The following SAMMSON variants were observed in gnomAD, a reference collection of about 807,000 sequenced individuals.
SAMMSON encodes long intergenic non-protein coding RNA 1212.
intron 4 of SAMMSON, among the ~76,000 whole-genome samples, chr3:70,165,129 A>C (rs1487897996): frequency 6.6e-6 from 1 of 152,040 alleles, no homozygotes; most frequent in African/African-American, 2.4e-5. Flanking sequence ...TTGAGAATTT[A>C]CTATGAACAA....
At chr3:70,021,006 C>G (rs1203676905) in intron 3 of SAMMSON, among the ~76,000 whole-genome samples, 1 of 152,064 alleles carries the variant, frequency 6.6e-6, no homozygotes, top group East Asian at 1.9e-4. Context: ...TAGCAGAGGC[C>G]CTCTGGAGAT....
At chr3:70,263,009 A>AT (rs1701881557) in intron 6 of SAMMSON, among the ~76,000 whole-genome samples, 1 of 152,138 alleles carries the variant, frequency 6.6e-6, no homozygotes, top group South Asian at 2.1e-4. Flanking sequence ...AATTTTAGGT[A>AT]TTGCATTTCT....
chr3:70,121,438 T>C (rs1336518348), intron 4 of SAMMSON, among the ~76,000 whole-genome samples: 1 of 151,992 alleles, frequency 6.6e-6, no homozygotes, highest in Non-Finnish European at 1.5e-5. Context: ...TACTGTATCG[T>C]GTGTATGTTT....
chr3:70,264,573 A>G (rs1176683282), intron 6 of SAMMSON, among the ~76,000 whole-genome samples: 3 of 152,232 alleles, frequency 2.0e-5, no homozygotes, highest in African/African-American at 7.2e-5. Context: ...GGTGAGTCAA[A>G]CAGTTGCTGG....
chr3:70,023,819 GC>G (rs1043180012), intron 3 of SAMMSON, among the ~76,000 whole-genome samples: 1 of 152,068 alleles, frequency 6.6e-6, no homozygotes, highest in African/African-American at 2.4e-5. Context: ...ACAAAAATAG[GC>G]CTGGGCCAAA....
intron 4 of SAMMSON, among the ~76,000 whole-genome samples, chr3:70,180,884 G>T (rs143471512): frequency 6.6e-4 from 101 of 152,278 alleles, no homozygotes; most frequent in African/African-American, 2.3e-3. Flanking sequence ...TGAGGTTTCG[G>T]TGGGGAAAGA....
At chr3:70,216,541 G>A (rs1157328028) in intron 4 of SAMMSON, among the ~76,000 whole-genome samples, 1 of 152,012 alleles carries the variant, frequency 6.6e-6, no homozygotes, top group Non-Finnish European at 1.5e-5. Flanking sequence ...TTTAACTAAG[G>A]CAGCCTGGCT....
At chr3:70,262,324 T>G (rs1701874614) in intron 6 of SAMMSON, among the ~76,000 whole-genome samples, 2 of 152,104 alleles carry the variant, frequency 1.3e-5, no homozygotes, top group African/African-American at 4.8e-5. Context: ...AAATAGAAAA[T>G]GATGCATTGC....
chr3:70,132,620 A>G (rs1166975997), intron 4 of SAMMSON, among the ~76,000 whole-genome samples: 1 of 151,994 alleles, frequency 6.6e-6, no homozygotes, highest in Non-Finnish European at 1.5e-5. Flanking sequence ...TGCAACCTTT[A>G]TGAGAAATAA....
chr3:70,338,513 A>C (rs1487089608), intron 7 of SAMMSON, among the ~76,000 whole-genome samples: 1 of 152,120 alleles, frequency 6.6e-6, no homozygotes, highest in African/African-American at 2.4e-5. Flanking sequence ...CCATCATCTC[A>C]GCCAAAATCT....
At chr3:70,412,782 CGGGTACTCAACTTAGTA>C (rs1277266649) in intron 2 of SAMMSON, among the ~76,000 whole-genome samples, 1 of 152,086 alleles carries the variant, frequency 6.6e-6, no homozygotes, top group Non-Finnish European at 1.5e-5. Context: ...TGAATAAAAT[CGGGTACTCAACTTAGTA>C]GGCTAAAGTT....
intron 7 of SAMMSON, among the ~76,000 whole-genome samples, chr3:70,315,042 G>A (rs568340213): frequency 6.6e-6 from 1 of 152,144 alleles, no homozygotes; most frequent in Non-Finnish European, 1.5e-5. Flanking sequence ...ACTTATAAAT[G>A]CTTTCCACTT....
chr3:70,072,737 CAA>C (rs2067235264), intron 4 of SAMMSON: 1 of 148,260 alleles, frequency 6.7e-6, no homozygotes, highest in Non-Finnish European at 1.5e-5. Flanking sequence ...AAACAAATGA[CAA>C]AGTTAGCATT....
intron 4 of SAMMSON, among the ~76,000 whole-genome samples, chr3:70,103,163 A>G (rs1402292224): frequency 6.6e-6 from 1 of 152,166 alleles, no homozygotes; most frequent in African/African-American, 2.4e-5. Flanking sequence ...ATGCAGGCCC[A>G]CGGTTACCTG....
At chr3:70,269,601 T>G (rs1701955744) in intron 6 of SAMMSON, among the ~76,000 whole-genome samples, 1 of 152,206 alleles carries the variant, frequency 6.6e-6, no homozygotes, top group Non-Finnish European at 1.5e-5. Flanking sequence ...GCTGCCCAGT[T>G]CTTGACTTTT....
chr3:70,364,521 C>A (rs1702904026), intron 9 of SAMMSON, among the ~76,000 whole-genome samples: 4 of 151,842 alleles, frequency 2.6e-5, no homozygotes, highest in African/African-American at 9.7e-5. Flanking sequence ...TCTCTTACTA[C>A]CCCAAAGATT....
At chr3:70,201,253 T>C (rs572673180) in intron 4 of SAMMSON, among the ~76,000 whole-genome samples, 11 of 152,262 alleles carry the variant, frequency 7.2e-5, no homozygotes, top group African/African-American at 2.6e-4. Flanking sequence ...TGTGTTTATG[T>C]GTTCTCATCA....
At chr3:70,174,330 A>C (rs1469010829) in intron 4 of SAMMSON, among the ~76,000 whole-genome samples, 1 of 152,000 alleles carries the variant, frequency 6.6e-6, no homozygotes, top group South Asian at 2.1e-4. Flanking sequence ...ATGTTGATAT[A>C]TTTTTAAGTA....
chr3:70,265,929 C>T (rs1701913061), intron 6 of SAMMSON, among the ~76,000 whole-genome samples: 1 of 152,154 alleles, frequency 6.6e-6, no homozygotes. Flanking sequence ...ATCCATGATC[C>T]AGTTACCTCC....
Sources: gnomAD v4.1 joint callset for allele counts (sites outside exome capture counted in the v4.1 genomes callset) on GRCh38, gnomAD v4.1.1 for gene constraint, MANE v1.5 for transcripts, NCBI Gene and HGNC (gene_info 2026-07-23, HGNC 2026-07-21) for gene names.